TRAK1: variants seen among roughly 807,000 people sequenced by gnomAD.
TRAK1 encodes trafficking kinesin protein 1, also known as trafficking kinesin-binding protein 1.
Under a neutral mutation model 92.1 loss-of-function variants are expected in TRAK1, and 33 were observed. The ratio of observed to expected loss-of-function variants is 0.36; its 90% CI spans 0.27 to 0.48. The LOEUF (loss-of-function observed/expected upper bound fraction) is 0.48, where lower values mean the gene tolerates loss of function less well. Among genes scored for constraint, TRAK1 ranks in the 20% least tolerant of loss-of-function variants. The probability of loss-of-function intolerance (pLI) is 0.99; values close to 1 mark genes in which losing one functional copy is unlikely to be tolerated. For missense variants in TRAK1, 1,123 were observed against 1,257.9 expected, an observed-to-expected ratio of 0.89 and a Z score of 1.62; for synonymous variants, 521 against 517.3, an observed-to-expected ratio of 1.01 and a Z score of -0.10.
In TRAK1 at chr3:42,223,622, G is replaced by A. The variant is rs375498931; in HGVS notation, c.2747G>A (p.Arg916Gln). 178 of 1,613,830 alleles carry A rather than the reference G, an allele frequency of 1.1e-4. No individual in the cohort carries two copies. Among genetic ancestry groups the A allele is most frequent in the Admixed American group, 3.2e-4 (19 of 59,988 alleles). ...GGLQLNSGIR[R>Q]NRSFPTMVGS... is the part of the protein sequence containing the mutation. ...CTGCAGCTCAATAGTGGCATCCGGCGGAATCGCAGCTTCCCCACCATGGTG... is the reference window on the plus strand; with the variant it reads ...CTGCAGCTCAATAGTGGCATCCGGCAGAATCGCAGCTTCCCCACCATGGTG... Residue 916 changes from arginine to glutamine, a missense_variant, in exon 16 of 16, where the codon CGG (arginine) becomes CAG (glutamine). This residue lies in a region of TRAK1 where 401 missense variants were observed against 438.9 expected (regional missense o/e 0.91). Coordinates refer to ENST00000327628, the MANE Select transcript of TRAK1 (RefSeq NM_001042646.3). The surrounding 1 kb of genome is among the most constrained non-coding windows in gnomAD (Gnocchi z 6.1).
intron 10 of TRAK1, among the ~76,000 whole-genome samples, chr3:42,195,235 A>T (rs1706435649): frequency 6.6e-6 from 1 of 152,168 alleles, no homozygotes; most frequent in Non-Finnish European, 1.5e-5. Flanking sequence ...GGAAGATCTG[A>T]CTCATACAGG....
intron 2 of TRAK1, among the ~76,000 whole-genome samples, chr3:42,164,223 G>A (rs562296279): frequency 3.3e-5 from 5 of 152,156 alleles, no homozygotes; most frequent in Non-Finnish European, 5.9e-5. Flanking sequence ...GGATCTAACC[G>A]TGTTACCTGG....
chr3:42,032,896 G>A (rs887954838), intron 1 of TRAK1, among the ~76,000 whole-genome samples: 2 of 152,134 alleles, frequency 1.3e-5, no homozygotes, highest in African/African-American at 2.4e-5. Flanking sequence ...GCACTCCAGC[G>A]TGGACAACAG....
rs67809792 is a variant in TRAK1, at chr3:42,069,320, C to CAA, written c.-518-17774_-518-17773dup. ...TGGGTGACACAGCAAGACCCTGTCT[C>CAA]AAAAAAAAAAAGAAAAAAGAAAAGT... On this transcript the variant is annotated intron_variant, in intron 1 of 16. Transcript: ENST00000487159. Among the ~76,000 whole-genome samples, 9 of 137,282 alleles carry CAA rather than the reference C, an allele frequency of 6.6e-5. 1 individual carries two copies. The highest frequency in any genetic ancestry group is 4.1e-4 in the East Asian group (2 of 4,872). The allele number at this position is 137,282 out of a possible 152,430, so 90.1% of individuals were successfully genotyped here. A position where few individuals can be genotyped will look rare whatever the true frequency, so the allele number is the denominator to read the frequency against.
At chr3:42,204,817 A>G (rs1453351232) in intron 13 of TRAK1, among the ~76,000 whole-genome samples, 2 of 152,184 alleles carry the variant, frequency 1.3e-5, no homozygotes, top group Non-Finnish European at 1.5e-5. Context: ...ATTGCCCTCA[A>G]GTTACCCTTC....
intron 1 of TRAK1, among the ~76,000 whole-genome samples, chr3:42,039,535 T>C (rs1490655804): frequency 6.6e-6 from 1 of 152,216 alleles, no homozygotes; most frequent in Non-Finnish European, 1.5e-5. Context: ...AGCTAATTTT[T>C]GTATTTTTAG....
At chr3:42,199,385 A>C in intron 11 of TRAK1, 132 bp downstream of exon 11, 1 of 807,678 alleles carries the variant, frequency 1.2e-6, no homozygotes. Flanking sequence ...GTCCAGATTA[A>C]GGGAAATAAT....
At chr3:42,196,598 T>C (rs937252758) in intron 10 of TRAK1, among the ~76,000 whole-genome samples, 14 of 149,280 alleles carry the variant, frequency 9.4e-5, no homozygotes, top group Non-Finnish European at 1.5e-4. Flanking sequence ...AGTGCAGTGG[T>C]GCGATCTTGG....
rs1271445406 is a variant in TRAK1 at position 42,038,846 on chromosome 3, T to C, written c.-519+24729T>C. On this transcript the variant is annotated intron_variant, in intron 1 of 16. Transcript: ENST00000487159. ...TTTGGTAGAGACAGTCTCCCTATGTTGCCCAGGTTGGTCTCAAACTCCTGG... is the reference window on the plus strand; with the variant it reads ...TTTGGTAGAGACAGTCTCCCTATGTCGCCCAGGTTGGTCTCAAACTCCTGG... Among the ~76,000 whole-genome samples, 8 of 148,434 alleles carry C rather than the reference T, an allele frequency of 5.4e-5. No individual in the cohort carries two copies. The East Asian group carries it at 1.6e-3, about 29-fold the overall frequency.
chr3:42,031,261 A>G lies in TRAK1; in HGVS notation c.-519+17144A>G, dbSNP rs555043420. On this transcript the variant is annotated intron_variant, in intron 1 of 16. Coordinates refer to the TRAK1 transcript ENST00000487159. The stretch of plus-strand genomic sequence containing the variant: ...ACGATATTGGCCAGGCTGGTCTCGA[A>G]CGCCTGACCTTGTGATCCACCCGCC... Among the ~76,000 whole-genome samples the G allele has an allele frequency of 5.3e-5, 8 of 151,548 alleles. No homozygotes were observed. The South Asian group carries it at 1.7e-3, about 32-fold the overall frequency.
chr3:42,089,435 TC>T (rs927460406), upstream of TRAK1, among the ~76,000 whole-genome samples: 25 of 152,152 alleles, frequency 1.6e-4, 1 homozygote, highest in South Asian at 2.5e-3. Context: ...CCTCCAAACT[TC>T]CAGTGAGCTC....
intron 1 of TRAK1, among the ~76,000 whole-genome samples, chr3:42,044,974 T>C (rs1702696491): frequency 6.6e-6 from 1 of 151,954 alleles, no homozygotes; most frequent in Admixed American, 6.6e-5. Context: ...TAAAGATTTG[T>C]TTTTTTTCCT....
intron 1 of TRAK1, among the ~76,000 whole-genome samples, chr3:42,022,564 G>A (rs1371997901): frequency 6.6e-6 from 1 of 151,806 alleles, no homozygotes; most frequent in East Asian, 1.9e-4. Context: ...TCTACAAAAC[G>A]TACTAAAATT....
chr3:42,034,714 G>A (rs150416752), intron 1 of TRAK1, among the ~76,000 whole-genome samples: 271 of 151,970 alleles, frequency 1.8e-3, no homozygotes, highest in Non-Finnish European at 2.7e-3. Flanking sequence ...CCTTAACAGC[G>A]TGAGCAGGAG....
intron 1 of TRAK1, among the ~76,000 whole-genome samples, chr3:42,096,694 T>C (rs1705972203): frequency 6.6e-6 from 1 of 152,262 alleles, no homozygotes; most frequent in Non-Finnish European, 1.5e-5. Flanking sequence ...AATTAGGCCC[T>C]GCCCCTGCAG....
chr3:42,215,583 T>G (rs3774388), intron 14 of TRAK1, among the ~76,000 whole-genome samples: 43,087 of 151,924 alleles, frequency 0.28, 6,883 homozygotes, highest in East Asian at 0.35. Flanking sequence ...GACAGCAGCA[T>G]CCCACTACAT....
upstream of TRAK1, among the ~76,000 whole-genome samples, chr3:42,089,345 T>C (rs1414429557): frequency 6.6e-6 from 1 of 152,178 alleles, no homozygotes; most frequent in Non-Finnish European, 1.5e-5. Context: ...GGCCTCTTAC[T>C]GCTACCCTTG....
At position 42,064,370 on chromosome 3, in the gene TRAK1, T is replaced by TAAA. The variant is rs200782162; in HGVS notation, c.-518-22725_-518-22723dup. On this transcript the variant is annotated intron_variant, in intron 1 of 16. Coordinates refer to the TRAK1 transcript ENST00000487159. Reference sequence around the variant, plus strand: ...AATAAATAAATAGAGGGATACAAATTAAAAAAAAAAACCTTTAAAAAGAAT... The same window carrying TAAA: ...AATAAATAAATAGAGGGATACAAATTAAAAAAAAAAAAAACCTTTAAAAAGAAT... Among the ~76,000 whole-genome samples the TAAA allele has an allele frequency of 5.9e-3, 876 of 149,188 alleles. 7 individuals carry two copies. The highest frequency in any genetic ancestry group is 8.4e-3 in the Admixed American group (126 of 15,038).
intron 1 of TRAK1, among the ~76,000 whole-genome samples, chr3:42,054,749 C>T (rs9862024): frequency 0.22 from 34,107 of 151,836 alleles, 4,243 homozygotes; most frequent in Middle Eastern, 0.33. Context: ...CTGAAGCAAA[C>T]ATAACTAAGT....
Sources: allele counts gnomAD v4.1 joint callset (sites outside exome capture counted in the v4.1 genomes callset), GRCh38; gene constraint gnomAD v4.1.1; regional missense constraint gnomAD v4.1.1; non-coding constraint Gnocchi (gnomAD v3.1); transcripts MANE v1.5; gene names NCBI Gene and HGNC (gene_info 2026-07-23, HGNC 2026-07-21).